SHISA6: variants seen among roughly 807,000 people sequenced by gnomAD.
SHISA6 encodes the protein shisa family member 6, also known as protein shisa-6.
Under a neutral mutation model 47.9 loss-of-function variants are expected in SHISA6, and 22 were observed. The observed-to-expected ratio is 0.46, with a 90% CI of 0.33 to 0.66. SHISA6 has a LOEUF of 0.66. SHISA6 is among the 30% of genes least tolerant of loss of function. The pLI is 0.02. For missense variants in SHISA6, 680 were observed against 764.6 expected, an observed-to-expected ratio of 0.89 and a Z score of 1.30; for synonymous variants, 388 against 337.8, an observed-to-expected ratio of 1.15 and a Z score of -1.63.
intron 2 of SHISA6, among the ~76,000 whole-genome samples, chr17:11,295,489 G>A (rs570632190): frequency 9.9e-5 from 15 of 152,250 alleles, no homozygotes; most frequent in African/African-American, 1.9e-4. Context: ...ACAAATTATT[G>A]TAAGCTCTAT....
chr17:11,515,262 A>G (rs1024140815), intron 3 of SHISA6, among the ~76,000 whole-genome samples: 2 of 150,648 alleles, frequency 1.3e-5, no homozygotes, highest in South Asian at 2.1e-4. Context: ...AAAAAAAGAA[A>G]AAAGAAAATA....
At chr17:11,492,422 T>C (rs1211608726) in intron 3 of SHISA6, among the ~76,000 whole-genome samples, 1 of 152,230 alleles carries the variant, frequency 6.6e-6, no homozygotes, top group Non-Finnish European at 1.5e-5. Context: ...GAAATCATAC[T>C]GACTTGAGTT....
At chr17:11,330,337 G>A (rs1203736485) in intron 2 of SHISA6, among the ~76,000 whole-genome samples, 1 of 152,086 alleles carries the variant, frequency 6.6e-6, no homozygotes, top group Non-Finnish European at 1.5e-5. Context: ...CCAATGTTAG[G>A]GCTTCCAGGT....
chr17:11,267,725 G>T (rs1306557648), intron 2 of SHISA6, among the ~76,000 whole-genome samples: 1 of 152,160 alleles, frequency 6.6e-6, no homozygotes, highest in Non-Finnish European at 1.5e-5. Flanking sequence ...GACTGGCTAG[G>T]CAGAGTGAGT....
intron 3 of SHISA6, among the ~76,000 whole-genome samples, chr17:11,387,775 G>T (rs1007422401): frequency 2.0e-5 from 3 of 152,162 alleles, no homozygotes; most frequent in Non-Finnish European, 4.4e-5. Context: ...AATCAAAGCT[G>T]AGGTCAGGGA....
At chr17:11,457,325 A>G (rs1915567544) in intron 3 of SHISA6, among the ~76,000 whole-genome samples, 1 of 152,188 alleles carries the variant, frequency 6.6e-6, no homozygotes, top group African/African-American at 2.4e-5. Context: ...GCTTTTCTGA[A>G]TTACACCACC....
chr17:11,263,516 G>T lies in SHISA6; in HGVS notation c.789G>T (p.Lys263Asn). The change falls in exon 2 of 6, where the codon AAG becomes AAT. Residue 263 changes from lysine (K) to asparagine (N), a missense_variant. Physicochemically the swap from Lys to Asn is moderately conservative, Grantham distance 94 (BLOSUM62 0). Coordinates refer to ENST00000441885, the MANE Select transcript of SHISA6 (RefSeq NM_207386.4). The part of the protein sequence containing the change: ...KNHYTPVRTA[K>N]QTPGHYGKDA... ...ACTACACTCCTGTGCGTACGGCCAA[G>T]CAGACTCCAGGTAAGTAACAGCTGG... The T allele has an allele frequency of 6.4e-7, 1 of 1,551,630 alleles. No homozygotes were observed. The highest frequency in any genetic ancestry group is 8.7e-7 in the Non-Finnish European group (1 of 1,146,976).
intron 2 of SHISA6, among the ~76,000 whole-genome samples, chr17:11,354,219 A>G (rs889133393): frequency 1.3e-5 from 2 of 152,174 alleles, no homozygotes; most frequent in Non-Finnish European, 2.9e-5. Context: ...GTGCACAGGA[A>G]TCATCTGGGG....
At chr17:11,336,914 G>A (rs72824648) in intron 2 of SHISA6, among the ~76,000 whole-genome samples, 9,519 of 152,296 alleles carry the variant, frequency 0.063, 299 homozygotes, top group Middle Eastern at 0.1. Context: ...GCAGCACAGA[G>A]GTGGTGAGAA....
At chr17:11,261,710 T>C (rs1262865400) in intron 1 of SHISA6, among the ~76,000 whole-genome samples, 1 of 152,234 alleles carries the variant, frequency 6.6e-6, no homozygotes, top group Non-Finnish European at 1.5e-5. Flanking sequence ...CTTTCAGCAG[T>C]TGATGGACTT....
chr17:11,293,692 C>T (rs1909632759), intron 2 of SHISA6, among the ~76,000 whole-genome samples: 1 of 152,028 alleles, frequency 6.6e-6, no homozygotes, highest in Non-Finnish European at 1.5e-5. Context: ...TGTATGATCT[C>T]GATGGATATC....
chr17:11,386,640 G>T (rs1454032372), intron 3 of SHISA6, among the ~76,000 whole-genome samples: 2 of 152,170 alleles, frequency 1.3e-5, no homozygotes, highest in African/African-American at 4.8e-5. Context: ...AATTGATTAT[G>T]CTGGGGGTGT....
At chr17:11,366,304 T>C (rs1912448022) in intron 2 of SHISA6, among the ~76,000 whole-genome samples, 1 of 152,198 alleles carries the variant, frequency 6.6e-6, no homozygotes, top group African/African-American at 2.4e-5. Flanking sequence ...CATGCCACCA[T>C]GCCCAGCTAA....
chr17:11,393,464 C>A (rs6502145), intron 3 of SHISA6, among the ~76,000 whole-genome samples: 4,171 of 152,262 alleles, frequency 0.027, 190 homozygotes, highest in African/African-American at 0.094. Flanking sequence ...CTGTCCTCTA[C>A]TGAGCAGCCA....
chr17:11,388,221 A>AATC (rs1332213997), intron 3 of SHISA6, among the ~76,000 whole-genome samples: 2 of 152,254 alleles, frequency 1.3e-5, no homozygotes, highest in Non-Finnish European at 2.9e-5. Context: ...TGGACTCTAG[A>AATC]TAAAGCGCAG....
rs569373086 is a variant in SHISA6, at chr17:11,510,290, C to A, written c.896-41606C>A. On this transcript the variant is annotated intron_variant, in intron 3 of 5. Coordinates refer to ENST00000441885, the MANE Select transcript of SHISA6 (RefSeq NM_207386.4). ...TCTGTGTTCCCACAGTGCTCCACTG[C>A]AGAGCCACCATGTCCTTACCTGTCT... Among the ~76,000 whole-genome samples the A allele has an allele frequency of 2.6e-5, 4 of 152,292 alleles. No homozygotes were observed. In the South Asian group the frequency reaches 8.3e-4, roughly 32 times the overall value.
chr17:11,324,793 C>T lies in SHISA6; in HGVS notation c.800-54621C>T, dbSNP rs541533840. ...CAAACTACTATCCCATGTCATCCGA[C>T]CTGTTATGCTTTGGTCTTCTTAGTG... On this transcript the variant is annotated intron_variant, in intron 2 of 5. Coordinates refer to ENST00000441885, the MANE Select transcript of SHISA6 (RefSeq NM_207386.4). 2.8e-4 allele frequency among the ~76,000 whole-genome samples: 42 copies of T among 152,242 alleles called. No homozygotes were observed. In the South Asian group the frequency reaches 8.3e-3, roughly 30 times the overall value.
At chr17:11,392,019 T>C (rs537157069) in intron 3 of SHISA6, among the ~76,000 whole-genome samples, 1 of 152,258 alleles carries the variant, frequency 6.6e-6, no homozygotes, top group African/African-American at 2.4e-5. Context: ...TAATAGCAGA[T>C]TGTTCGTAGT....
intron 2 of SHISA6, among the ~76,000 whole-genome samples, chr17:11,315,090 T>C (rs1208649670): frequency 6.6e-6 from 1 of 152,228 alleles, no homozygotes; most frequent in Non-Finnish European, 1.5e-5. Flanking sequence ...AGTTTTCATA[T>C]CCAGAAATAT....
Sources: gnomAD v4.1 joint callset for allele counts (sites outside exome capture counted in the v4.1 genomes callset) on GRCh38, gnomAD v4.1.1 for gene constraint, MANE v1.5 for transcripts, NCBI Gene and HGNC (gene_info 2026-07-23, HGNC 2026-07-21) for gene names.